The following SYT9 variants were observed in gnomAD, a reference collection of about 807,000 sequenced individuals.
The protein encoded by SYT9 is synaptotagmin 9, also known as synaptotagmin-9.
A neutral mutation model predicts 48.4 loss-of-function variants in SYT9; 22 were observed. That is an observed-to-expected ratio of 0.45 (90% confidence interval 0.32 to 0.65). The LOEUF (loss-of-function observed/expected upper bound fraction) is 0.65. Among genes scored for constraint, SYT9 ranks in the 30% least tolerant of loss-of-function variants. The pLI, the probability that SYT9 is intolerant of heterozygous loss-of-function variation, is 0.03. For missense variants in SYT9, 577 were observed against 622.0 expected, an observed-to-expected ratio of 0.93 and a Z score of 0.77; for synonymous variants, 265 against 245.0, an observed-to-expected ratio of 1.08 and a Z score of -0.76.
chr11:7,343,136 C>T (rs948462702), intron 3 of SYT9, among the ~76,000 whole-genome samples: 1 of 152,192 alleles, frequency 6.6e-6, no homozygotes. Context: ...CTGCAAGGGT[C>T]TCTGACATGT....
intron 3 of SYT9, among the ~76,000 whole-genome samples, chr11:7,320,767 G>A (rs1301002805): frequency 6.6e-6 from 1 of 152,136 alleles, no homozygotes; most frequent in African/African-American, 2.4e-5. Flanking sequence ...GAACAAAACG[G>A]CAATTATTGA....
At chr11:7,361,443 C>A (rs1254233314) in intron 3 of SYT9, among the ~76,000 whole-genome samples, 1 of 152,116 alleles carries the variant, frequency 6.6e-6, no homozygotes, top group Non-Finnish European at 1.5e-5. Context: ...ACTTTGTAGC[C>A]TTGTATATAG....
At chr11:7,261,655 A>G (rs1011176448) in intron 1 of SYT9, among the ~76,000 whole-genome samples, 1 of 152,144 alleles carries the variant, frequency 6.6e-6, no homozygotes, top group Non-Finnish European at 1.5e-5. Flanking sequence ...GAAGTTGACA[A>G]ATGAGTAAAG....
chr11:7,423,940 CATG>C (rs1847403578), intron 6 of SYT9, among the ~76,000 whole-genome samples: 1 of 152,156 alleles, frequency 6.6e-6, no homozygotes, highest in African/African-American at 2.4e-5. Context: ...TCTCAGTGCT[CATG>C]ATAACAGAGT....
chr11:7,335,666 A>G (rs1391500343), intron 3 of SYT9, among the ~76,000 whole-genome samples: 1 of 152,166 alleles, frequency 6.6e-6, no homozygotes, highest in African/African-American at 2.4e-5. Flanking sequence ...TTATGGATGC[A>G]TAGTAGTCCA....
rs1847881675 is a variant in SYT9 at position 7,252,197 on chromosome 11, C to T, written c.11C>T (p.Ala4Val). Residue 4 changes from alanine to valine, a missense_variant, in exon 1 of 7, where the codon GCC becomes GTC. Ala to Val is a moderately conservative substitution (Grantham distance 64). Transcript: ENST00000318881. The surrounding 1 kb of genome is among the most constrained non-coding windows in gnomAD (Gnocchi z 6.3). Reference protein sequence around the residue: MPGARDALCHQALQ... With the variant: MPGVRDALCHQALQ... ...GGATGCGGGGGGGCGATGCCCGGGG[C>T]CAGGGACGCGCTCTGTCACCAGGCG... 1 of 1,462,370 alleles carries T rather than the reference C, an allele frequency of 6.8e-7. No homozygotes were observed. The highest frequency in any genetic ancestry group is 1.4e-5 in the South Asian group (1 of 73,950). 90.6% of individuals were successfully genotyped at this position (1,462,370 alleles called of 1,614,324 possible).
At chr11:7,417,567 G>T (rs1847275270) in intron 4 of SYT9, among the ~76,000 whole-genome samples, 1 of 152,146 alleles carries the variant, frequency 6.6e-6, no homozygotes. Context: ...CTTTCTTAAA[G>T]ACCTGAAAAG....
chr11:7,315,052 G>A lies in SYT9; in HGVS notation c.1044+1111G>A, dbSNP rs191789454. Among the ~76,000 whole-genome samples the A allele has an allele frequency of 1.8e-3, 273 of 152,312 alleles. 1 individual carries two copies. Among genetic ancestry groups the A allele is most frequent in the African/African-American group, 6.1e-3 (253 of 41,566 alleles). Reference sequence around the variant, plus strand: ...ACACCTTCTCTCCACATGCCACAGGGTTCCAGTGCCAACTTTGTGCTGCTA... The same window carrying A: ...ACACCTTCTCTCCACATGCCACAGGATTCCAGTGCCAACTTTGTGCTGCTA... On this transcript the variant is annotated intron_variant, in intron 3 of 6. Coordinates refer to ENST00000318881, the MANE Select transcript of SYT9 (RefSeq NM_175733.4).
intron 1 of SYT9, among the ~76,000 whole-genome samples, chr11:7,273,672 C>G (rs781570845): frequency 6.6e-6 from 1 of 152,142 alleles, no homozygotes; most frequent in South Asian, 2.1e-4. Flanking sequence ...TAAGTAAGAG[C>G]TTGTCCTACA....
chr11:7,366,524 A>C (rs1850247342), intron 3 of SYT9, among the ~76,000 whole-genome samples: 1 of 152,174 alleles, frequency 6.6e-6, no homozygotes, highest in African/African-American at 2.4e-5. Flanking sequence ...AGACATCCAT[A>C]TTAATTAATA....
chr11:7,323,930 A>G (rs1409591124), intron 3 of SYT9, among the ~76,000 whole-genome samples: 2 of 151,928 alleles, frequency 1.3e-5, no homozygotes, highest in Admixed American at 1.3e-4. Flanking sequence ...TTAAAGGTGT[A>G]CAAGCCTTAA....
intron 1 of SYT9, among the ~76,000 whole-genome samples, chr11:7,266,093 C>A (rs1848175894): frequency 6.6e-6 from 1 of 152,028 alleles, no homozygotes; most frequent in African/African-American, 2.4e-5. Flanking sequence ...TATTTCCATT[C>A]TTATTTTTTT....
At chr11:7,319,001 T>G (rs1849289964) in intron 3 of SYT9, among the ~76,000 whole-genome samples, 1 of 152,176 alleles carries the variant, frequency 6.6e-6, no homozygotes, top group East Asian at 1.9e-4. Flanking sequence ...GGGCATTATT[T>G]TGGATGCCTG....
chr11:7,443,861 A>C (rs1314019823), intron 6 of SYT9, among the ~76,000 whole-genome samples: 1 of 152,280 alleles, frequency 6.6e-6, no homozygotes, highest in Non-Finnish European at 1.5e-5. Context: ...TGGATTTTGC[A>C]TAACTATTCA....
intron 1 of SYT9, among the ~76,000 whole-genome samples, chr11:7,277,592 T>C (rs960648): frequency 6.6e-6 from 1 of 152,226 alleles, no homozygotes; most frequent in African/African-American, 2.4e-5. Context: ...AGTAAAGTAA[T>C]TGTGTTTTTA....
chr11:7,395,497 T>A (rs575134515), intron 3 of SYT9, among the ~76,000 whole-genome samples: 1 of 152,244 alleles, frequency 6.6e-6, no homozygotes, highest in African/African-American at 2.4e-5. Flanking sequence ...TTTTCCTGGG[T>A]CTATAAGTAC....
chr11:7,285,226 G>T (rs1268966293), intron 1 of SYT9, among the ~76,000 whole-genome samples: 1 of 152,192 alleles, frequency 6.6e-6, no homozygotes, highest in African/African-American at 2.4e-5. Flanking sequence ...TTATTTATAA[G>T]GGGAAGAAGT....
Position 7,458,369 on chromosome 11 carries a change from C to T in SYT9, c.1468-8423C>T, listed in dbSNP as rs531088271. On this transcript the variant is annotated intron_variant, in intron 6 of 6. Coordinates refer to ENST00000318881, the MANE Select transcript of SYT9 (RefSeq NM_175733.4). The stretch of plus-strand genomic sequence containing the variant: ...GGTGGCGGTCGCCTGTAATCCCAGC[C>T]ACTCAAAAGGCTGAGGCAGGAGAGT... Among the ~76,000 whole-genome samples, 12 of 152,198 alleles carry T rather than the reference C, an allele frequency of 7.9e-5. No individual in the cohort carries two copies. In the East Asian group the frequency reaches 2.3e-3, roughly 29 times the overall value.
chr11:7,341,016 T>G (rs994459005), intron 3 of SYT9, among the ~76,000 whole-genome samples: 4 of 152,182 alleles, frequency 2.6e-5, no homozygotes, highest in Admixed American at 2.6e-4. Context: ...AAGATGATGG[T>G]CTGTCCCTAC....
Sources: allele counts gnomAD v4.1 joint callset (sites outside exome capture counted in the v4.1 genomes callset), GRCh38; gene constraint gnomAD v4.1.1; non-coding constraint Gnocchi (gnomAD v3.1); transcripts MANE v1.5; gene names NCBI Gene and HGNC (gene_info 2026-07-23, HGNC 2026-07-21).